Variants in CBLB observed in about 807,000 individuals in gnomAD.
CBLB encodes E3 ubiquitin-protein ligase CBL-B.
CBLB carries 31 observed loss-of-function variants against 104.9 expected under a neutral mutation model. The observed-to-expected ratio is 0.30, with a 90% confidence interval of 0.22 to 0.40. CBLB has a LOEUF of 0.40. Among genes scored for constraint, CBLB ranks in the 10% least tolerant of loss-of-function variants. The pLI is 1.00. For missense variants in CBLB, 1,062 were observed against 1,214.6 expected (o/e 0.87, Z 1.87); for synonymous variants, 440 against 422.6 (o/e 1.04, Z -0.51).
intron 4 of CBLB, among the ~76,000 whole-genome samples, chr3:105,753,584 G>A (rs2076781770): frequency 1.3e-5 from 2 of 152,008 alleles, no homozygotes; most frequent in Non-Finnish European, 2.9e-5. Context: ...TATGATCAGG[G>A]AACCACTGAC....
At chr3:105,778,411 T>C (rs2079742530) in intron 3 of CBLB, among the ~76,000 whole-genome samples, 2 of 152,190 alleles carry the variant, frequency 1.3e-5, no homozygotes, top group East Asian at 1.9e-4. Context: ...GATGACACTC[T>C]TTCTAATTTA....
intron 12 of CBLB, 27 bp downstream of exon 12, chr3:105,702,067 C>T (rs2069207390): frequency 1.2e-6 from 2 of 1,612,880 alleles, no homozygotes; most frequent in Non-Finnish European, 1.7e-6. Flanking sequence ...AGCAGATTCT[C>T]TAGCTTCTGC....
At chr3:105,851,457 T>C (rs1200136527) in intron 3 of CBLB, among the ~76,000 whole-genome samples, 1 of 152,210 alleles carries the variant, frequency 6.6e-6, no homozygotes, top group Non-Finnish European at 1.5e-5. Flanking sequence ...TAATGGTGGA[T>C]ATATTACATT....
At chr3:105,847,419 CACACACACA>C (rs2090396181) in intron 3 of CBLB, among the ~76,000 whole-genome samples, 1 of 151,374 alleles carries the variant, frequency 6.6e-6, no homozygotes, top group African/African-American at 2.4e-5. Context: ...CACACACACA[CACACACACA>C]CCCCATTTTG....
rs747769789 is a variant in CBLB, at chr3:105,693,515, G to A, written c.2033C>T (p.Thr678Ile). The A allele has an allele frequency of 3.1e-6, 5 of 1,611,026 alleles. No individual in the cohort carries two copies. The South Asian group carries it at 4.4e-5, about 14-fold the overall frequency. The change falls in exon 13 of 19, where the codon ACC becomes ATC. Residue 678 changes from threonine to isoleucine, a missense_variant. Transcript: ENST00000394030. ...TCACTTTATGCTAGGGAGGAGGGTG[G>A]TAACTGGAGGAGGAGGAGAAAGCCG... ...PPRLSPPPPV[T>I]TLLPSIKCTG...
intron 14 of CBLB, 89 bp downstream of exon 14, chr3:105,685,231 T>C (rs2152737982): frequency 8.9e-7 from 1 of 1,128,442 alleles, no homozygotes; most frequent in Non-Finnish European, 1.4e-6. Flanking sequence ...GGATTTTTAA[T>C]TAGACGTGAA....
chr3:105,677,842 T>C (rs1396410723), intron 17 of CBLB, among the ~76,000 whole-genome samples: 1 of 149,704 alleles, frequency 6.7e-6, no homozygotes, highest in African/African-American at 2.4e-5. Flanking sequence ...ATAATAATAT[T>C]AAATAGTTAC....
chr3:105,744,915 C>A (rs2075960830), intron 6 of CBLB, among the ~76,000 whole-genome samples: 2 of 151,904 alleles, frequency 1.3e-5, no homozygotes, highest in East Asian at 1.9e-4. Flanking sequence ...GGTGACAGAG[C>A]AAGACTCCAT....
chr3:105,824,683 C>T (rs1286990518), intron 3 of CBLB, among the ~76,000 whole-genome samples: 2 of 151,984 alleles, frequency 1.3e-5, no homozygotes, highest in Non-Finnish European at 2.9e-5. Context: ...TTTATGCCAA[C>T]TGTGGGATTC....
At chr3:105,833,703 C>A (rs1350781845) in intron 3 of CBLB, among the ~76,000 whole-genome samples, 1 of 151,732 alleles carries the variant, frequency 6.6e-6, no homozygotes, top group Non-Finnish European at 1.5e-5. Context: ...ATGGAAATTT[C>A]TAAAATTAAA....
chr3:105,841,426 T>G (rs1177855475), intron 3 of CBLB, among the ~76,000 whole-genome samples: 2 of 152,032 alleles, frequency 1.3e-5, no homozygotes, highest in Non-Finnish European at 2.9e-5. Flanking sequence ...CATAATTTGT[T>G]ATATATATTA....
At chr3:105,769,025 T>G (rs2078547694) in intron 4 of CBLB, among the ~76,000 whole-genome samples, 1 of 152,164 alleles carries the variant, frequency 6.6e-6, no homozygotes, top group South Asian at 2.1e-4. Context: ...CTGTTAACAA[T>G]TATTGCCGCC....
chr3:105,855,046 C>A (rs1014763128), intron 2 of CBLB, among the ~76,000 whole-genome samples: 4 of 152,144 alleles, frequency 2.6e-5, no homozygotes, highest in Non-Finnish European at 5.9e-5. Flanking sequence ...GACACATTTA[C>A]TTTGGGTTTA....
chr3:105,670,433 T>C (rs56128584), intron 17 of CBLB, 81 bp from the exon 18 acceptor site: 5 of 1,122,774 alleles, frequency 4.5e-6, no homozygotes, highest in Non-Finnish European at 6.6e-6. Flanking sequence ...AATTATTTTA[T>C]GAAGATTATG....
At chr3:105,802,929 AGT>A (rs1184409638) in intron 3 of CBLB, among the ~76,000 whole-genome samples, 3 of 152,228 alleles carry the variant, frequency 2.0e-5, no homozygotes, top group Non-Finnish European at 4.4e-5. Context: ...CCATTACACC[AGT>A]GTAATTTAAC....
intron 3 of CBLB, among the ~76,000 whole-genome samples, chr3:105,850,536 A>T (rs1267209753): frequency 6.6e-6 from 1 of 152,178 alleles, no homozygotes; most frequent in African/African-American, 2.4e-5. Flanking sequence ...ATCTAAATAA[A>T]CTATCACTAT....
At chr3:105,824,936 C>T (rs2086374697) in intron 3 of CBLB, among the ~76,000 whole-genome samples, 1 of 152,104 alleles carries the variant, frequency 6.6e-6, no homozygotes, top group South Asian at 2.1e-4. Flanking sequence ...ATACACAATC[C>T]TAGAGTGTAA....
chr3:105,863,313 A>G (rs2092239871), intron 2 of CBLB, among the ~76,000 whole-genome samples: 1 of 152,206 alleles, frequency 6.6e-6, no homozygotes. Context: ...CTGAGTACTA[A>G]ACAAAACTGT....
intron 3 of CBLB, among the ~76,000 whole-genome samples, chr3:105,800,012 TTTTCTTAAA>T (rs2082660183): frequency 6.6e-6 from 1 of 152,176 alleles, no homozygotes; most frequent in South Asian, 2.1e-4. Context: ...AAAGCCCACA[TTTTCTTAAA>T]AATATGTGAT....
Sources: allele counts gnomAD v4.1 joint callset (sites outside exome capture counted in the v4.1 genomes callset), GRCh38; gene constraint gnomAD v4.1.1; transcripts MANE v1.5; gene names NCBI Gene and HGNC (gene_info 2026-07-23, HGNC 2026-07-21).